Variants in COMMD10 observed in about 807,000 individuals in gnomAD.
COMMD10 encodes COMM domain containing 10, also known as COMM domain-containing protein 10.
In COMMD10, 33 loss-of-function variants were observed where a neutral mutation model predicts 28.9. The ratio of observed to expected loss-of-function variants is 1.14; its 90% confidence interval spans 0.87 to 1.53. The LOEUF (loss-of-function observed/expected upper bound fraction) is 1.53. COMMD10 is among the 40% of genes most tolerant of loss of function. The pLI is 0.00. For missense variants in COMMD10, 310 were observed against 233.4 expected (o/e 1.33, Z -2.14); for synonymous variants, 110 against 81.7 (o/e 1.35, Z -1.87).
At chr5:116,195,786 A>C (rs1220191292) in intron 5 of COMMD10, among the ~76,000 whole-genome samples, 1 of 152,196 alleles carries the variant, frequency 6.6e-6, no homozygotes, top group African/African-American at 2.4e-5. Context: ...ATGAATAGAC[A>C]ATTCTCAAAA....
intron 5 of COMMD10, among the ~76,000 whole-genome samples, chr5:116,141,990 C>T (rs576413256): frequency 6.6e-6 from 1 of 151,760 alleles, no homozygotes; most frequent in Admixed American, 6.6e-5. Flanking sequence ...AATCATGATT[C>T]ATTTTTCTGT....
rs1156714047 is a variant in COMMD10 at position 116,208,892 on chromosome 5, C to A, written c.510+74714C>A. ...GTTACTGCTGTGTATTTATGGGATG[C>A]AGGTACTGTTTATCCATTGTAATTA... On this transcript the variant is annotated intron_variant, in intron 5 of 6. Transcript: ENST00000274458. 2.0e-5 allele frequency among the ~76,000 whole-genome samples: 3 copies of A among 152,142 alleles called. No individual in the cohort carries two copies. In the East Asian group the frequency reaches 5.8e-4, roughly 29 times the overall value.
At chr5:116,117,334 C>T (rs4460169) in intron 4 of COMMD10, among the ~76,000 whole-genome samples, 123,585 of 151,956 alleles carry the variant, frequency 0.81, 50,375 homozygotes, top group Non-Finnish European at 0.83. Context: ...TCTGAGACTT[C>T]CTATTTAAGT....
At chr5:116,239,166 A>T (rs1157573062) in intron 5 of COMMD10, among the ~76,000 whole-genome samples, 1 of 152,190 alleles carries the variant, frequency 6.6e-6, no homozygotes, top group Non-Finnish European at 1.5e-5. Context: ...CAAAATTCCT[A>T]TACTAAAATA....
At chr5:116,291,170 T>G (rs1751349671) in intron 5 of COMMD10, among the ~76,000 whole-genome samples, 1 of 152,192 alleles carries the variant, frequency 6.6e-6, no homozygotes, top group Non-Finnish European at 1.5e-5. Context: ...TAATGGTATT[T>G]ACTAGATTTC....
At chr5:116,166,138 G>A (rs1254058153) in intron 5 of COMMD10, among the ~76,000 whole-genome samples, 1 of 117,732 alleles carries the variant, frequency 8.5e-6, no homozygotes, top group Non-Finnish European at 1.8e-5. Context: ...ACATGGACTT[G>A]AGTCCATTTC....
intron 5 of COMMD10, among the ~76,000 whole-genome samples, chr5:116,196,920 A>G (rs534414792): frequency 6.6e-6 from 1 of 152,164 alleles, no homozygotes; most frequent in Non-Finnish European, 1.5e-5. Context: ...ATGATTTACT[A>G]AATTAAGCTT....
In COMMD10 at chr5:116,133,680, A is replaced by C. The variant is rs181197673; in HGVS notation, c.400-388A>C. ...TCATTAAAGTGCTTTTCACCAATTT[A>C]TGCAATTTACTAGTTGAAATTTGTA... On this transcript the variant is annotated intron_variant, in intron 4 of 6. Coordinates refer to ENST00000274458, the MANE Select transcript of COMMD10 (RefSeq NM_016144.4). Among the ~76,000 whole-genome samples the C allele has an allele frequency of 1.9e-3, 291 of 152,344 alleles. 3 individuals carry two copies. Among genetic ancestry groups the C allele is most frequent in the African/African-American group, 6.6e-3 (275 of 41,582 alleles).
chr5:116,154,491 G>T (rs1752641601), intron 5 of COMMD10, among the ~76,000 whole-genome samples: 1 of 152,140 alleles, frequency 6.6e-6, no homozygotes, highest in African/African-American at 2.4e-5. Flanking sequence ...TTTTCTGAGA[G>T]TGCTGTTCAC....
At chr5:116,156,864 A>T (rs1004623825) in intron 5 of COMMD10, among the ~76,000 whole-genome samples, 7 of 152,112 alleles carry the variant, frequency 4.6e-5, no homozygotes, top group African/African-American at 1.4e-4. Context: ...CCAACCCTGC[A>T]CAGTCCTTGC....
At chr5:116,109,145 G>T (rs1029764023) in intron 4 of COMMD10, among the ~76,000 whole-genome samples, 1 of 152,154 alleles carries the variant, frequency 6.6e-6, no homozygotes, top group Non-Finnish European at 1.5e-5. Flanking sequence ...CTTTTTGGCC[G>T]TCTTGCCAGC....
chr5:116,154,669 C>T (rs987867103), intron 5 of COMMD10, among the ~76,000 whole-genome samples: 1 of 151,498 alleles, frequency 6.6e-6, no homozygotes, highest in African/African-American at 2.4e-5. Flanking sequence ...ACATAGGCCA[C>T]CTTTATTCAT....
At chr5:116,257,727 A>T (rs191423003) in intron 5 of COMMD10, among the ~76,000 whole-genome samples, 1 of 151,740 alleles carries the variant, frequency 6.6e-6, no homozygotes, top group Non-Finnish European at 1.5e-5. Context: ...GAAATAATAT[A>T]TCAAATAAAA....
At chr5:116,217,731 C>T (rs6872204) in intron 5 of COMMD10, among the ~76,000 whole-genome samples, 8,056 of 152,154 alleles carry the variant, frequency 0.053, 307 homozygotes, top group African/African-American at 0.11. Context: ...GGCTTTTGTG[C>T]CAAGGTGGCC....
chr5:116,168,158 C>CA (rs56193014), intron 5 of COMMD10, among the ~76,000 whole-genome samples: 12,082 of 102,224 alleles, frequency 0.12, 765 homozygotes, highest in African/African-American at 0.21. Flanking sequence ...AAATGGAAAG[C>CA]AAAAAAAAAA....
chr5:116,152,670 A>G (rs1468455998), intron 5 of COMMD10, among the ~76,000 whole-genome samples: 2 of 144,532 alleles, frequency 1.4e-5, no homozygotes, highest in African/African-American at 2.4e-5. Flanking sequence ...GCTGCTAGTT[A>G]CAGCATGGTC....
At chr5:116,262,464 A>G (rs1021753721) in intron 5 of COMMD10, among the ~76,000 whole-genome samples, 7 of 151,692 alleles carry the variant, frequency 4.6e-5, no homozygotes, top group African/African-American at 1.7e-4. Context: ...TCAGTTTCTT[A>G]ATTACCAATA....
At chr5:116,162,534 C>G (rs556857452) in intron 5 of COMMD10, among the ~76,000 whole-genome samples, 1 of 152,258 alleles carries the variant, frequency 6.6e-6, no homozygotes, top group African/African-American at 2.4e-5. Context: ...TACATAGTAG[C>G]ACATATAGAT....
intron 4 of COMMD10, among the ~76,000 whole-genome samples, chr5:116,093,430 G>A (rs1750364488): frequency 6.6e-6 from 1 of 152,188 alleles, no homozygotes; most frequent in Non-Finnish European, 1.5e-5. Flanking sequence ...TCCTCAGTGT[G>A]GAGTTGGGGT....
Sources: gnomAD v4.1 joint callset for allele counts (sites outside exome capture counted in the v4.1 genomes callset) on GRCh38, gnomAD v4.1.1 for gene constraint, MANE v1.5 for transcripts, NCBI Gene and HGNC (gene_info 2026-07-23, HGNC 2026-07-21) for gene names.